The following ARHGEF11 variants were observed in gnomAD, a reference collection of about 807,000 sequenced individuals.
ARHGEF11 encodes the protein Rho guanine exchange factor (GEF) 11.
Under a neutral mutation model 193.7 loss-of-function variants are expected in ARHGEF11, and 55 were observed. The ratio of observed to expected loss-of-function variants is 0.28; its 90% CI spans 0.23 to 0.36. The LOEUF is 0.36. ARHGEF11 is among the 10% of genes least tolerant of loss of function. The pLI, the probability that ARHGEF11 is intolerant of heterozygous loss-of-function variation, is 1.00. For missense variants in ARHGEF11, 1,723 were observed against 2,005.6 expected (o/e 0.86, Z 2.69); for synonymous variants, 693 against 768.0 (o/e 0.90, Z 1.62).
intron 20 of ARHGEF11, among the ~76,000 whole-genome samples, chr1:156,955,218 G>A (rs1273914272): frequency 1.3e-5 from 2 of 152,140 alleles, no homozygotes; most frequent in Non-Finnish European, 2.9e-5. Flanking sequence ...TCAATGATAG[G>A]ATCAGTTGAG....
chr1:156,975,138 G>A (rs186461855), intron 7 of ARHGEF11, among the ~76,000 whole-genome samples: 2 of 152,140 alleles, frequency 1.3e-5, no homozygotes, highest in African/African-American at 4.8e-5. Context: ...CATCAATGGC[G>A]GAATAGATTA....
intron 3 of ARHGEF11, among the ~76,000 whole-genome samples, chr1:156,983,285 C>T (rs1458657540): frequency 2.6e-5 from 4 of 152,154 alleles, no homozygotes; most frequent in Non-Finnish European, 4.4e-5. Flanking sequence ...TGCAGTGGCA[C>T]GATCTTGGCT....
Position 156,939,731 on chromosome 1 carries a change from TG to T in ARHGEF11, c.3912del (p.Asn1304LysfsTer60). The T allele has an allele frequency of 6.2e-7, 1 of 1,614,030 alleles. No individual in the cohort carries two copies. On this transcript the variant is annotated frameshift_variant, in exon 37 of 41. Transcript: ENST00000368194. LOFTEE classifies it high-confidence loss of function. ...TCCCCCTCCAGCCCTGCAAGCTGGG[TG>T]TTGTCCCCTTCACCCCCAGGGGGTG... ...GQAPPGGEGD[N>X]TQLAGLEGER...
In ARHGEF11 at chr1:156,944,885, C is replaced by A. The variant is rs1657826291; in HGVS notation, c.2991+134G>T. On this transcript the variant is annotated intron_variant, in intron 30 of 40. Transcript: ENST00000368194. ...GTGACAATAGCAGGGTGTGTGTCTT[C>A]TGGGGCTCCATTGTGCCACCCTATC... is the stretch of plus-strand genomic sequence containing the variant. 12 of 1,211,028 alleles carry A rather than the reference C, an allele frequency of 9.9e-6. No individual in the cohort carries two copies. In the South Asian group the frequency reaches 1.8e-4, roughly 18 times the overall value. The allele number at this position is 1,211,028 out of a possible 1,614,324, so 75.0% of individuals were successfully genotyped here. A position where few individuals can be genotyped will look rare whatever the true frequency, so the allele number is the denominator to read the frequency against.
chr1:157,027,013 T>C (rs548439287), intron 1 of ARHGEF11, among the ~76,000 whole-genome samples: 14 of 152,368 alleles, frequency 9.2e-5, no homozygotes, highest in African/African-American at 3.1e-4. Flanking sequence ...ACTAGCTGAT[T>C]AAAGTTATTG....
chr1:156,969,236 A>T (rs1662177163), intron 10 of ARHGEF11, 46 bp downstream of exon 10: 1 of 1,517,228 alleles, frequency 6.6e-7, no homozygotes, highest in African/African-American at 1.4e-5. Context: ...AAGGGAAGGG[A>T]CCCCGAATGC....
chr1:156,954,532 AG>A (rs139437928), intron 21 of ARHGEF11, among the ~76,000 whole-genome samples: 2,114 of 152,276 alleles, frequency 0.014, 56 homozygotes, highest in African/African-American at 0.048. Flanking sequence ...TGAATTATAG[AG>A]AAAAGGCCTC....
chr1:156,954,841 G>C, intron 21 of ARHGEF11, 51 bp downstream of exon 21: 2 of 1,478,218 alleles, frequency 1.4e-6, no homozygotes, highest in Non-Finnish European at 1.9e-6. Flanking sequence ...TTTGGGAGAT[G>C]GAAACTCAAT....
chr1:157,043,098 G>C (rs1013901292), intron 1 of ARHGEF11, among the ~76,000 whole-genome samples: 10 of 152,196 alleles, frequency 6.6e-5, no homozygotes, highest in African/African-American at 2.2e-4. Flanking sequence ...AGAGATTAGT[G>C]CTTGAGAGAG....
intron 1 of ARHGEF11, among the ~76,000 whole-genome samples, chr1:157,013,579 T>G (rs1668834973): frequency 6.6e-6 from 1 of 152,148 alleles, no homozygotes; most frequent in Non-Finnish European, 1.5e-5. Flanking sequence ...TCATTCTGTA[T>G]AGCAAATCTC....
At chr1:156,942,031 G>A (rs1475378719) in intron 33 of ARHGEF11, 42 bp from the exon 34 acceptor site, 1 of 1,613,308 alleles carries the variant, frequency 6.2e-7, no homozygotes, top group Non-Finnish European at 8.5e-7. Context: ...GTGAGAGCAA[G>A]ATAGCAGCAC....
chr1:157,037,504 C>T (rs1672189165), intron 1 of ARHGEF11, among the ~76,000 whole-genome samples: 1 of 152,192 alleles, frequency 6.6e-6, no homozygotes, highest in South Asian at 2.1e-4. Flanking sequence ...GGAGACCACA[C>T]CATGTTGGTG....
intron 1 of ARHGEF11, among the ~76,000 whole-genome samples, chr1:157,038,810 C>G (rs1672387268): frequency 1.3e-5 from 2 of 152,112 alleles, no homozygotes; most frequent in Non-Finnish European, 2.9e-5. Context: ...GGGCAGATTG[C>G]TTGAGTTCAG....
chr1:156,973,527 ATC>A (rs1344726171), intron 7 of ARHGEF11, among the ~76,000 whole-genome samples: 1 of 151,966 alleles, frequency 6.6e-6, no homozygotes, highest in Admixed American at 6.6e-5. Flanking sequence ...GGATATCCGA[ATC>A]TCTGTTTCAA....
intron 32 of ARHGEF11, 25 bp downstream of exon 32, chr1:156,943,910 C>T (rs1028475914): frequency 1.0e-5 from 16 of 1,595,062 alleles, no homozygotes; most frequent in Non-Finnish European, 1.4e-5. Context: ...AGCCCCAGGC[C>T]AGCCTGGACC....
Position 156,978,247 on chromosome 1 carries a change from G to A in ARHGEF11, c.467C>T (p.Pro156Leu), listed in dbSNP as rs1354911649. ...TGTGATGCGTTGTGGAGGTGGTAGA[G>A]GTGGAGGAGGTGGTGGTGAGGGGAT... ...SVIPSPPPPPPLPPPQRITGP... is the reference protein window; with the variant it reads ...SVIPSPPPPPLLPPPQRITGP... Residue 156 changes from proline (P) to leucine (L), a missense_variant, in exon 6 of 41, where the codon CCT becomes CTT. Pro to Leu is a moderately conservative substitution (Grantham distance 98). Coordinates refer to ENST00000368194, the MANE Select transcript of ARHGEF11 (RefSeq NM_198236.3). 2 of 1,614,090 alleles carry A rather than the reference G, an allele frequency of 1.2e-6. No individual in the cohort carries two copies. Among genetic ancestry groups the A allele is most frequent in the African/African-American group, 2.7e-5 (2 of 74,932 alleles).
At chr1:156,995,559 C>CTT (rs551046629) in intron 1 of ARHGEF11, among the ~76,000 whole-genome samples, 3 of 143,802 alleles carry the variant, frequency 2.1e-5, no homozygotes, top group Non-Finnish European at 3.1e-5. Context: ...TTTTCTTCTT[C>CTT]TTTTTTTTTT....
chr1:156,956,046 C>T (rs1032494274), intron 19 of ARHGEF11, among the ~76,000 whole-genome samples: 3 of 152,190 alleles, frequency 2.0e-5, no homozygotes, highest in South Asian at 4.1e-4. Flanking sequence ...ACCTGCAAAA[C>T]GGCTTTCCTG....
chr1:156,937,374 G>C lies in ARHGEF11; in HGVS notation c.4315C>G (p.Gln1439Glu). Residue 1439 changes from glutamine to glutamate, a missense_variant, in exon 39 of 41, where the codon CAG (glutamine) becomes GAG (glutamate). Gln to Glu is a conservative substitution (Grantham distance 29, BLOSUM62 2). Transcript: ENST00000368194. Reference protein sequence around the residue: ...LPAGQTEPQPQLQGGNDDPRR... With the variant: ...LPAGQTEPQPELQGGNDDPRR... ...GGATCATCGTTGCCTCCCTGCAGCT[G>C]AGGCTGAGGCTCTGTCTGCCCTGCA... 6.2e-7 allele frequency: 1 copy of C among 1,609,590 alleles called. No individual in the cohort carries two copies.
Sources: gnomAD v4.1 joint callset for allele counts (sites outside exome capture counted in the v4.1 genomes callset) on GRCh38, gnomAD v4.1.1 for gene constraint, MANE v1.5 for transcripts, NCBI Gene and HGNC (gene_info 2026-07-23, HGNC 2026-07-21) for gene names.